The following WASHC3 variants were observed in gnomAD, a reference collection of about 807,000 sequenced individuals.
WASHC3 encodes the protein WASH complex subunit 3.
A neutral mutation model predicts 26.1 loss-of-function variants in WASHC3; 24 were observed. The observed-to-expected ratio is 0.92, with a 90% confidence interval of 0.66 to 1.29. WASHC3 has a LOEUF of 1.29. Among genes scored for constraint, WASHC3 ranks in the 50% most tolerant of loss-of-function variants. WASHC3 has a pLI of 0.00. For synonymous variants in WASHC3, 77 were observed against 75.7 expected (o/e 1.02, Z -0.09); for missense variants, 214 against 229.6 (o/e 0.93, Z 0.44).
At chr12:102,061,883 T>C (rs1878827106) in intron 1 of WASHC3, 29 bp downstream of exon 1, 1 of 1,570,122 alleles carries the variant, frequency 6.4e-7, no homozygotes, top group Non-Finnish European at 8.7e-7. Flanking sequence ...TCCCGGCTCG[T>C]CGGGAGTCTA....
chr12:102,062,094 T>G, upstream of WASHC3: 1 of 706,356 alleles, frequency 1.4e-6, no homozygotes, highest in South Asian at 1.8e-5. Context: ...GGAAGAAAGC[T>G]TCTCCGCTCA....
intron 2 of WASHC3, among the ~76,000 whole-genome samples, chr12:102,049,205 C>A (rs1363961986): frequency 6.6e-6 from 1 of 152,218 alleles, no homozygotes; most frequent in East Asian, 1.9e-4. Context: ...GGTCTCTATC[C>A]ACTAAATGCT....
chr12:102,025,993 G>C lies in WASHC3; in HGVS notation c.481C>G (p.Leu161Val). 6.5e-7 allele frequency: 1 copy of C among 1,532,038 alleles called. No homozygotes were observed. The highest frequency in any genetic ancestry group is 8.9e-7 in the Non-Finnish European group (1 of 1,123,964). 94.9% of individuals were successfully genotyped at this position (1,532,038 alleles called of 1,614,324 possible). A position where few individuals can be genotyped will look rare whatever the true frequency, so the allele number is the denominator to read the frequency against. Residue 161 changes from leucine (L) to valine (V), a missense_variant, in exon 6 of 7, where the codon CTA (leucine) becomes GTA (valine). Transcript: ENST00000240079. ...ACTTACTCAAGAAGATCTGGGTCTA[G>C]TCCTTCTGATATCATTTTGTTTCTT... ...AIRNKMISEG[L>V]DPDLLERPDA... is the part of the protein sequence containing the mutation.
At chr12:102,016,005 T>G (rs769878904) in intron 6 of WASHC3, among the ~76,000 whole-genome samples, 3 of 152,132 alleles carry the variant, frequency 2.0e-5, no homozygotes, top group Non-Finnish European at 4.4e-5. Flanking sequence ...TTCTCCTGTC[T>G]CAGTCTCCTG....
At chr12:102,035,978 A>C (rs763201373) in intron 5 of WASHC3, among the ~76,000 whole-genome samples, 1 of 152,234 alleles carries the variant, frequency 6.6e-6, no homozygotes, top group Non-Finnish European at 1.5e-5. Flanking sequence ...TTGGACATGC[A>C]ATAATAAAGA....
intron 6 of WASHC3, among the ~76,000 whole-genome samples, chr12:102,024,512 T>A (rs1877092803): frequency 6.6e-6 from 1 of 152,158 alleles, no homozygotes; most frequent in Non-Finnish European, 1.5e-5. Flanking sequence ...TCAAGGATGA[T>A]TATCAAGTTG....
At chr12:102,026,908 C>A (rs1279148607) in intron 5 of WASHC3, among the ~76,000 whole-genome samples, 1 of 152,088 alleles carries the variant, frequency 6.6e-6, no homozygotes, top group South Asian at 2.1e-4. Flanking sequence ...GGCATGGGAC[C>A]CTCCCTCTCA....
At chr12:102,044,268 C>T (rs906000032) in intron 3 of WASHC3, 56 bp from the exon 4 acceptor site, 4 of 798,540 alleles carry the variant, frequency 5.0e-6, no homozygotes, top group Non-Finnish European at 7.9e-6. Flanking sequence ...TAAATAAACA[C>T]TATTTTTAAT....
chr12:102,039,786 G>C (rs1199223300), intron 5 of WASHC3, 82 bp downstream of exon 5: 1 of 571,992 alleles, frequency 1.7e-6, no homozygotes, highest in South Asian at 2.7e-5. Context: ...TTCTCAGATT[G>C]AAAAAAATAA....
chr12:102,037,037 G>A (rs939001104), intron 5 of WASHC3, among the ~76,000 whole-genome samples: 4 of 152,088 alleles, frequency 2.6e-5, no homozygotes, highest in African/African-American at 9.7e-5. Context: ...TTAATCAGGA[G>A]TTTTTTTCCA....
At chr12:102,048,563 CAAAAGAAAAAA>C (rs1456717769) in intron 2 of WASHC3, among the ~76,000 whole-genome samples, 1 of 143,516 alleles carries the variant, frequency 7.0e-6, no homozygotes, top group Non-Finnish European at 1.5e-5. Flanking sequence ...GACTCCGTCT[CAAAAGAAAAAA>C]AAAAGAAAAA....
intron 2 of WASHC3, among the ~76,000 whole-genome samples, chr12:102,059,341 A>G (rs1878716712): frequency 6.6e-6 from 1 of 152,202 alleles, no homozygotes; most frequent in Non-Finnish European, 1.5e-5. Flanking sequence ...AAATAAAGAA[A>G]TAAGATTTTT....
At position 102,013,132 on chromosome 12, in the gene WASHC3, A is replaced by G. The variant is rs1166453401; in HGVS notation, c.561T>C (p.Asp187=). 2 of 1,531,272 alleles carry G rather than the reference A, an allele frequency of 1.3e-6. No individual in the cohort carries two copies. Among genetic ancestry groups the G allele is most frequent in the East Asian group, 2.4e-5 (1 of 42,286 alleles). 94.9% of individuals were successfully genotyped at this position (1,531,272 alleles called of 1,614,324 possible). The part of the protein sequence containing the change: ...ESEKTVEESS[D]SESSFSD ...CTTAATCACTAAAAGAAGATTCGCT[A>G]TCTGAACTTTCTTCTACAGTTTTCT... Residue 187 remains aspartate (D), a synonymous_variant, in exon 7 of 7, where the codon GAT becomes GAC. Coordinates refer to ENST00000240079, the MANE Select transcript of WASHC3 (RefSeq NM_016053.4).
intron 5 of WASHC3, among the ~76,000 whole-genome samples, chr12:102,028,010 A>G (rs1877273056): frequency 6.6e-6 from 1 of 151,868 alleles, no homozygotes; most frequent in Non-Finnish European, 1.5e-5. Flanking sequence ...AGATATTCTG[A>G]AAAGTGCATT....
chr12:102,015,159 G>C (rs1876644085), intron 6 of WASHC3, among the ~76,000 whole-genome samples: 1 of 152,096 alleles, frequency 6.6e-6, no homozygotes, highest in South Asian at 2.1e-4. Flanking sequence ...AGAGAAATTA[G>C]CCAGTAGTGG....
At chr12:102,017,822 GATAAC>G (rs1220033389) in intron 6 of WASHC3, 7 of 429,132 alleles carry the variant, frequency 1.6e-5, no homozygotes, top group Admixed American at 1.1e-4. Flanking sequence ...GTAAAATACA[GATAAC>G]ATAAAATTTA....
chr12:102,031,697 A>C (rs1318796232), intron 5 of WASHC3, among the ~76,000 whole-genome samples: 5 of 152,070 alleles, frequency 3.3e-5, no homozygotes, highest in Admixed American at 2.0e-4. Flanking sequence ...CATCCCACAA[A>C]CCTTCATGTA....
intron 6 of WASHC3, among the ~76,000 whole-genome samples, chr12:102,015,532 GATTAA>G (rs967843602): frequency 6.6e-6 from 1 of 151,452 alleles, no homozygotes; most frequent in South Asian, 2.1e-4. Context: ...ATTTTGTGAT[GATTAA>G]ATTAATTAAT....
Position 102,037,196 on chromosome 12 carries a change from T to C in WASHC3, c.435+2672A>G, listed in dbSNP as rs188060892. ...CACCTAAACCTATCAAAAGGTGAAA[T>C]AGTATAGACAAATTATAAGCATTTT... On this transcript the variant is annotated intron_variant, in intron 5 of 6. Coordinates refer to ENST00000240079, the MANE Select transcript of WASHC3 (RefSeq NM_016053.4). 2.6e-3 allele frequency among the ~76,000 whole-genome samples: 397 copies of C among 152,224 alleles called. 3 individuals carry two copies. The highest frequency in any genetic ancestry group is 8.9e-3 in the African/African-American group (370 of 41,524).
Sources: gnomAD v4.1 joint callset for allele counts (sites outside exome capture counted in the v4.1 genomes callset) on GRCh38, gnomAD v4.1.1 for gene constraint, MANE v1.5 for transcripts, NCBI Gene and HGNC (gene_info 2026-07-23, HGNC 2026-07-21) for gene names.